ATP8A2: variants seen among roughly 807,000 people sequenced by gnomAD.
ATP8A2 encodes phospholipid-transporting ATPase IB.
Under a neutral mutation model 165.6 loss-of-function variants are expected in ATP8A2, and 100 were observed. The observed-to-expected ratio is 0.60, with a 90% CI of 0.51 to 0.71. ATP8A2 has a LOEUF of 0.71. Among genes scored for constraint, ATP8A2 ranks in the 30% least tolerant of loss-of-function variants. The pLI, the probability that ATP8A2 is intolerant of heterozygous loss-of-function variation, is 0.00. For missense variants in ATP8A2, 1,227 were observed against 1,479.5 expected, an observed-to-expected ratio of 0.83 and a Z score of 2.80; for synonymous variants, 543 against 548.8, an observed-to-expected ratio of 0.99 and a Z score of 0.15.
chr13:26,013,442 A>T (rs1956891835), intron 36 of ATP8A2, among the ~76,000 whole-genome samples: 1 of 152,234 alleles, frequency 6.6e-6, no homozygotes, highest in Non-Finnish European at 1.5e-5. Context: ...TCGGAGGCTG[A>T]GGTGAGTGGA....
intron 25 of ATP8A2, among the ~76,000 whole-genome samples, chr13:25,737,006 A>G (rs1331173087): frequency 1.3e-5 from 2 of 152,198 alleles, no homozygotes; most frequent in African/African-American, 2.4e-5. Context: ...ACCTGAGTGC[A>G]GAGATGATAA....
At chr13:25,746,296 G>A (rs763785223) in intron 25 of ATP8A2, among the ~76,000 whole-genome samples, 2 of 152,180 alleles carry the variant, frequency 1.3e-5, no homozygotes, top group Non-Finnish European at 2.9e-5. Flanking sequence ...CAGGATGTCT[G>A]TAGGAATTTG....
chr13:25,985,225 A>G (rs1471711977), intron 35 of ATP8A2, among the ~76,000 whole-genome samples: 1 of 152,212 alleles, frequency 6.6e-6, no homozygotes, highest in African/African-American at 2.4e-5. Flanking sequence ...AAGAGAATAG[A>G]ACTAAAATTA....
intron 33 of ATP8A2, among the ~76,000 whole-genome samples, chr13:25,888,736 G>C (rs1953253269): frequency 6.6e-6 from 1 of 152,170 alleles, no homozygotes; most frequent in Non-Finnish European, 1.5e-5. Flanking sequence ...GCGCATGTCT[G>C]TAATTCCAGC....
intron 1 of ATP8A2, among the ~76,000 whole-genome samples, chr13:25,465,361 A>T (rs367734332): frequency 1.3e-5 from 2 of 152,252 alleles, no homozygotes; most frequent in Non-Finnish European, 2.9e-5. Flanking sequence ...CTAGGAAAAA[A>T]TCCCAAGGTT....
intron 24 of ATP8A2, among the ~76,000 whole-genome samples, chr13:25,665,139 A>G (rs2042125497): frequency 6.6e-6 from 1 of 152,182 alleles, no homozygotes; most frequent in South Asian, 2.1e-4. Context: ...CCCCGTGCAC[A>G]GTGTGGTGCA....
intron 1 of ATP8A2, among the ~76,000 whole-genome samples, chr13:25,390,406 G>T (rs1037094728): frequency 6.6e-6 from 1 of 152,308 alleles, no homozygotes. Flanking sequence ...AATGTGGCTT[G>T]ATGACTTTCA....
At chr13:25,470,373 C>T (rs939496842) in intron 2 of ATP8A2, among the ~76,000 whole-genome samples, 22 of 152,280 alleles carry the variant, frequency 1.4e-4, no homozygotes, top group East Asian at 1.2e-3. Context: ...GAGCATCAGT[C>T]GCAGTGAGTT....
At chr13:25,627,988 G>C (rs2041145529) in intron 24 of ATP8A2, among the ~76,000 whole-genome samples, 1 of 152,168 alleles carries the variant, frequency 6.6e-6, no homozygotes, top group South Asian at 2.1e-4. Context: ...GGCTTGGGCT[G>C]ACATAAAGAA....
intron 35 of ATP8A2, among the ~76,000 whole-genome samples, chr13:26,002,149 T>C (rs1956640769): frequency 6.6e-6 from 1 of 152,216 alleles, no homozygotes; most frequent in Non-Finnish European, 1.5e-5. Flanking sequence ...TGATGAGACA[T>C]TTGAAATTTA....
intron 1 of ATP8A2, among the ~76,000 whole-genome samples, chr13:25,465,755 C>CTCTCTTTCTCTCTTTCTCTCTT (rs1555274967): frequency 8.5e-5 from 1 of 11,834 alleles, no homozygotes; most frequent in Non-Finnish European, 2.4e-4. Context: ...CTCCCTCTCT[C>CTCTCTTTCTCTCTTTCTCTCTT]TCTCTCTTTC....
intron 24 of ATP8A2, among the ~76,000 whole-genome samples, chr13:25,693,046 A>G (rs918432982): frequency 1.3e-5 from 2 of 152,230 alleles, no homozygotes; most frequent in African/African-American, 2.4e-5. Context: ...TATGCCCCTT[A>G]TAACAGCTAA....
chr13:25,505,830 G>A (rs777040611), intron 2 of ATP8A2, among the ~76,000 whole-genome samples: 9 of 151,952 alleles, frequency 5.9e-5, no homozygotes, highest in Admixed American at 2.6e-4. Context: ...ATTAATATCC[G>A]ACATATTCTT....
In ATP8A2 at chr13:25,468,995, T is replaced by A; in HGVS notation, c.95T>A (p.Leu32Ter). The change falls in exon 2 of 37, where the codon TTG (leucine) becomes TAG (stop). Residue 32 changes from leucine (L) to a stop codon, truncating the protein, a stop_gained. Coordinates refer to ENST00000381655, the MANE Select transcript of ATP8A2 (RefSeq NM_016529.6). LOFTEE classifies it high-confidence loss of function. ...TCTGCAGGACCTGTTCGTTCTTCTT[T>A]GGGCTATAAGAAGGCAGAGGATGAG... ...RSSVGPVRSSLGYKKAEDEMS... is the reference protein window; with the variant it reads ...RSSVGPVRSS 6.2e-7 allele frequency: 1 copy of A among 1,613,996 alleles called. No homozygotes were observed. The highest frequency in any genetic ancestry group is 1.3e-5 in the African/African-American group (1 of 75,046).
At chr13:25,644,388 A>C (rs1011807398) in intron 24 of ATP8A2, among the ~76,000 whole-genome samples, 1 of 152,164 alleles carries the variant, frequency 6.6e-6, no homozygotes, top group African/African-American at 2.4e-5. Flanking sequence ...ATGTTGAACT[A>C]TCCTTGCATC....
At chr13:25,825,277 C>T (rs1241645487) in intron 27 of ATP8A2, among the ~76,000 whole-genome samples, 1 of 149,644 alleles carries the variant, frequency 6.7e-6, no homozygotes, top group Non-Finnish European at 1.5e-5. Flanking sequence ...CCTGCCTTAG[C>T]CTCCCGAGTA....
rs1957139406 is a variant in ATP8A2, at chr13:26,024,905, T to C, written c.*4920T>C. Reference sequence around the variant, plus strand: ...AGTTGGAGTAATAGCACTATCCAAATAACCCTGCCCAGGAAACTTGGGGGT... The same window carrying C: ...AGTTGGAGTAATAGCACTATCCAAACAACCCTGCCCAGGAAACTTGGGGGT... On this transcript the variant is annotated 3_prime_UTR_variant, in exon 37 of 37. Transcript: ENST00000381655. 2 of 152,060 alleles carry C rather than the reference T, an allele frequency of 1.3e-5. No homozygotes were observed. The highest frequency in any genetic ancestry group is 6.5e-5 in the Admixed American group (1 of 15,278). The allele number at this position is 152,060 out of a possible 1,614,324, so 9.4% of individuals were successfully genotyped here.
chr13:25,591,646 A>C (rs190744583), intron 24 of ATP8A2, among the ~76,000 whole-genome samples: 141 of 148,102 alleles, frequency 9.5e-4, no homozygotes, highest in African/African-American at 3.0e-3. Context: ...GTGCTGTGCC[A>C]AACGAGGCTC....
At chr13:25,599,703 CAGAAT>C (rs2040331392) in intron 24 of ATP8A2, among the ~76,000 whole-genome samples, 1 of 152,074 alleles carries the variant, frequency 6.6e-6, no homozygotes, top group African/African-American at 2.4e-5. Context: ...AAAAGAAGAC[CAGAAT>C]AGTGCATCTG....
Sources: gnomAD v4.1 joint callset for allele counts (sites outside exome capture counted in the v4.1 genomes callset) on GRCh38, gnomAD v4.1.1 for gene constraint, MANE v1.5 for transcripts, NCBI Gene and HGNC (gene_info 2026-07-23, HGNC 2026-07-21) for gene names.